ZSWIM9: variants seen among roughly 807,000 people sequenced by gnomAD.
ZSWIM9 encodes the protein zinc finger SWIM-type containing 9, also known as uncharacterized protein ZSWIM9.
A neutral mutation model predicts 25.0 loss-of-function variants in ZSWIM9; 11 were observed. That is an observed-to-expected ratio of 0.44 (90% CI 0.28 to 0.73). The LOEUF is 0.73. ZSWIM9 is among the 30% of genes least tolerant of loss of function. The pLI is 0.16. For missense variants in ZSWIM9, 1,070 were observed against 1,296.5 expected, an observed-to-expected ratio of 0.83 and a Z score of 2.68; for synonymous variants, 562 against 582.1, an observed-to-expected ratio of 0.97 and a Z score of 0.50.
Position 48,195,339 on chromosome 19 carries a change from G to A in ZSWIM9, c.1275G>A (p.Gln425=). The change falls in exon 4 of 4, where the codon CAG becomes CAA. Residue 425 remains glutamine, a synonymous_variant. Transcript: ENST00000614654. The surrounding 1 kb of genome is among the most constrained non-coding windows in gnomAD (Gnocchi z 5.8). The part of the protein sequence containing the change: ...RRLSPSRGVA[Q]CLRDLVAMQW... ...TCAGCCCCTCGCGTGGCGTGGCGCA[G>A]TGCCTTCGCGACCTGGTGGCCATGC... 6.5e-7 allele frequency: 1 copy of A among 1,527,566 alleles called. No homozygotes were observed. The allele number at this position is 1,527,566 out of a possible 1,614,324, so 94.6% of individuals were successfully genotyped here.
At chr19:48,191,204 T>C (rs2037090968) in intron 3 of ZSWIM9, among the ~76,000 whole-genome samples, 1 of 142,708 alleles carries the variant, frequency 7.0e-6, no homozygotes, top group Non-Finnish European at 1.5e-5. Context: ...GTTGTTGTTG[T>C]TTGTTTGTTT....
At chr19:48,181,747 T>TC (rs2036950473) in intron 2 of ZSWIM9, 1 of 152,246 alleles carries the variant, frequency 6.6e-6, no homozygotes, top group South Asian at 2.1e-4. Flanking sequence ...CTTGATGTTA[T>TC]CAGTCTCTTT....
intron 3 of ZSWIM9, among the ~76,000 whole-genome samples, chr19:48,185,140 T>C (rs1434840359): frequency 1.1e-3 from 167 of 146,812 alleles, no homozygotes; most frequent in African/African-American, 4.1e-3. Context: ...TTTCATACTT[T>C]TTTTTTTTTT....
Position 48,192,498 on chromosome 19 carries a change from T to TATATACACACAC in ZSWIM9, c.589-2154_589-2153insTATACACACACA, listed in dbSNP as rs369454865. On this transcript the variant is annotated intron_variant, in intron 3 of 3. Transcript: ENST00000614654. ...AAAAAAAAATATATATATATATATA[T>TATATACACACAC]ACACACACACACACACACACATTTA... is the stretch of plus-strand genomic sequence containing the variant. Among the ~76,000 whole-genome samples, 41 of 20,734 alleles carry TATATACACACAC rather than the reference T, an allele frequency of 2.0e-3. 3 individuals carry two copies. Among genetic ancestry groups the TATATACACACAC allele is most frequent in the Middle Eastern group, 0.032 (2 of 62 alleles). 13.6% of individuals were successfully genotyped at this position (20,734 alleles called of 152,430 possible). A position where few individuals can be genotyped will look rare whatever the true frequency, so the allele number is the denominator to read the frequency against.
In ZSWIM9 at chr19:48,182,233, A is replaced by C. The variant is rs2036954814; in HGVS notation, c.276-222A>C. On this transcript the variant is annotated intron_variant, in intron 2 of 3. Coordinates refer to ENST00000614654, the MANE Select transcript of ZSWIM9 (RefSeq NM_199341.4). The surrounding 1 kb of genome is among the most constrained non-coding windows in gnomAD (Gnocchi z 4.6). Reference sequence around the variant, plus strand: ...TCATGCTCATGACGATCCTATGAGGAAGGTATGATGAGTAGGACCTTCCTT... The same window carrying C: ...TCATGCTCATGACGATCCTATGAGGCAGGTATGATGAGTAGGACCTTCCTT... The C allele has an allele frequency of 1.8e-6, 1 of 570,776 alleles. No individual in the cohort carries two copies. The highest frequency in any genetic ancestry group is 1.9e-5 in the African/African-American group (1 of 53,216). The allele number at this position is 570,776 out of a possible 1,614,324, so 35.4% of individuals were successfully genotyped here. A position where few individuals can be genotyped will look rare whatever the true frequency, so the allele number is the denominator to read the frequency against.
chr19:48,192,494 TATATACACACAC>T (rs1353592799), intron 3 of ZSWIM9, among the ~76,000 whole-genome samples: 4 of 37,546 alleles, frequency 1.1e-4, no homozygotes, highest in Admixed American at 3.9e-4. Flanking sequence ...TATATATATA[TATATACACACAC>T]ACACACACAC....
intron 3 of ZSWIM9, among the ~76,000 whole-genome samples, chr19:48,192,193 G>T (rs573088243): frequency 6.6e-6 from 1 of 151,502 alleles, no homozygotes; most frequent in Non-Finnish European, 1.5e-5. Context: ...CTCTGTGCCT[G>T]AGCCAGCACA....
At chr19:48,173,534 A>G (rs528546111) in intron 2 of ZSWIM9, among the ~76,000 whole-genome samples, 1 of 149,732 alleles carries the variant, frequency 6.7e-6, no homozygotes, top group South Asian at 2.1e-4. Context: ...CCTGACCTCA[A>G]GGAGGCTGAG....
At chr19:48,183,577 T>C (rs1278610286) in intron 3 of ZSWIM9, among the ~76,000 whole-genome samples, 3 of 151,642 alleles carry the variant, frequency 2.0e-5, no homozygotes, top group Non-Finnish European at 4.4e-5. Context: ...CACTAGGGGC[T>C]GGCTGGGTGC....
At position 48,171,794 on chromosome 19, in the gene ZSWIM9, G is replaced by T. The variant is rs1262531328; in HGVS notation, c.-9G>T. 6.5e-7 allele frequency: 1 copy of T among 1,528,052 alleles called. No homozygotes were observed. Among genetic ancestry groups the T allele is most frequent in the Non-Finnish European group, 8.7e-7 (1 of 1,143,230 alleles). 94.7% of individuals were successfully genotyped at this position (1,528,052 alleles called of 1,614,324 possible). A position where few individuals can be genotyped will look rare whatever the true frequency, so the allele number is the denominator to read the frequency against. ...ACCTGTTCTCCCCTCCTCCACGCAG[G>T]CCCCCAGGATGGAGCGGCCGGAGCC... On this transcript the variant is annotated splice_region_variant and 5_prime_UTR_variant, in exon 2 of 4. Transcript: ENST00000614654.
rs769247815 is a variant in ZSWIM9 at position 48,195,905 on chromosome 19, T to G, written c.1841T>G (p.Phe614Cys). ...ACCACCGACCTGAGGGGGACCCAGT[T>G]TGACTATGAGAGGGTCAGGAGTCTT... ...RSTTDLRGTQ[F>C]DYERVRSLEG... is the part of the protein sequence containing the mutation. The change falls in exon 4 of 4, where the codon TTT (phenylalanine) becomes TGT (cysteine). Residue 614 changes from phenylalanine to cysteine, a missense_variant. Transcript: ENST00000614654. This position sits in a 1 kb window ranked among gnomAD's most constrained non-coding sequence, Gnocchi z 5.8. 2.7e-4 allele frequency: 380 copies of G among 1,387,356 alleles called. No individual in the cohort carries two copies. The highest frequency in any genetic ancestry group is 3.4e-4 in the Non-Finnish European group (365 of 1,075,438). The allele number at this position is 1,387,356 out of a possible 1,614,324, so 85.9% of individuals were successfully genotyped here. A position where few individuals can be genotyped will look rare whatever the true frequency, so the allele number is the denominator to read the frequency against.
At position 48,182,473 on chromosome 19, in the gene ZSWIM9, C is replaced by T; in HGVS notation, c.294C>T (p.Cys98=). 1 of 1,534,708 alleles carries T rather than the reference C, an allele frequency of 6.5e-7. No individual in the cohort carries two copies. Residue 98 remains cysteine (C), a synonymous_variant, in exon 3 of 4, where the codon TGC becomes TGT. Coordinates refer to ENST00000614654, the MANE Select transcript of ZSWIM9 (RefSeq NM_199341.4). The surrounding 1 kb of genome is among the most constrained non-coding windows in gnomAD (Gnocchi z 4.6). The stretch of plus-strand genomic sequence containing the variant: ...CCCACAGGCCTCCCCAGCCCGGCTG[C>T]CCCGCCTTCATCATCGTCAAGCTGA... ...RPAVGPPQPG[C]PAFIIVKLSP... is the part of the protein sequence containing the mutation.
In ZSWIM9 at chr19:48,182,735, G is replaced by C; in HGVS notation, c.556G>C (p.Glu186Gln). The change falls in exon 3 of 4, where the codon GAG becomes CAG. Residue 186 changes from glutamate (E) to glutamine (Q), a missense_variant. Physicochemically the swap from Glu to Gln is conservative, Grantham distance 29. This residue lies in a region of ZSWIM9 where 265 missense variants were observed against 339.0 expected (regional missense o/e 0.78). Coordinates refer to ENST00000614654, the MANE Select transcript of ZSWIM9 (RefSeq NM_199341.4). The surrounding 1 kb of genome is among the most constrained non-coding windows in gnomAD (Gnocchi z 4.6). ...HGVLDALHVL[E>Q]GLFRTDPEAK... ...CGTCCTGGACGCCCTGCACGTGCTC[G>C]AGGGCCTCTTCCGCACCGACCCCGA... The C allele has an allele frequency of 6.5e-7, 1 of 1,534,462 alleles. No homozygotes were observed. Among genetic ancestry groups the C allele is most frequent in the Non-Finnish European group, 8.7e-7 (1 of 1,145,782 alleles).
intron 2 of ZSWIM9, chr19:48,180,636 A>C (rs1017732622): frequency 1.3e-5 from 2 of 152,170 alleles, no homozygotes; most frequent in African/African-American, 4.8e-5. Flanking sequence ...TCCTCTTGCC[A>C]TGGAAGGCAG....
chr19:48,195,641 G>T lies in ZSWIM9; in HGVS notation c.1577G>T (p.Gly526Val). The T allele has an allele frequency of 1.4e-6, 2 of 1,423,282 alleles. No individual in the cohort carries two copies. The highest frequency in any genetic ancestry group is 1.8e-6 in the Non-Finnish European group (2 of 1,095,242). The allele number at this position is 1,423,282 out of a possible 1,614,324, so 88.2% of individuals were successfully genotyped here. The change falls in exon 4 of 4, where the codon GGT (glycine) becomes GTT (valine). Residue 526 changes from glycine (G) to valine (V), a missense_variant. By Grantham distance (109) the Gly-to-Val change is moderately radical (BLOSUM62 -3). Coordinates refer to ENST00000614654, the MANE Select transcript of ZSWIM9 (RefSeq NM_199341.4). This position sits in a 1 kb window ranked among gnomAD's most constrained non-coding sequence, Gnocchi z 5.8. ...RALQIRDWRG[G>V]RLENQKPRGL... is the part of the protein sequence containing the mutation. ...CTGCAGATCAGAGATTGGAGAGGGG[G>T]TCGGTTGGAGAATCAGAAGCCGAGG... is the stretch of plus-strand genomic sequence containing the variant.
chr19:48,187,585 T>A (rs1464823380), intron 3 of ZSWIM9: 3 of 65,348 alleles, frequency 4.6e-5, no homozygotes, highest in African/African-American at 1.0e-4. Flanking sequence ...ATATTATATA[T>A]TATATAATAT....
Position 48,196,200 on chromosome 19 carries a change from G to A in ZSWIM9, c.2136G>A (p.Leu712=). The change falls in exon 4 of 4, where the codon CTG becomes CTA. Residue 712 remains leucine (L), a synonymous_variant. Transcript: ENST00000614654. ...TGGGGGTCAAAAGAAGAAGGGGCCT[G>A]GAGGATATAGTTCTGGTCCAGCTGG... is the stretch of plus-strand genomic sequence containing the variant. ...ARVGVKRRRG[L]EDIVLVQLGD... 8.1e-7 allele frequency: 1 copy of A among 1,236,706 alleles called. No homozygotes were observed. Among genetic ancestry groups the A allele is most frequent in the Non-Finnish European group, 1.0e-6 (1 of 991,142 alleles). The allele number at this position is 1,236,706 out of a possible 1,614,324, so 76.6% of individuals were successfully genotyped here. A position where few individuals can be genotyped will look rare whatever the true frequency, so the allele number is the denominator to read the frequency against.
Position 48,182,824 on chromosome 19 carries a change from A to C in ZSWIM9, c.588+57A>C. Reference sequence around the variant, plus strand: ...GGGGCGGGGGAAAGCCGCGCTGAAGACTCGTGGGTCATTCATGCCTTCATC... The same window carrying C: ...GGGGCGGGGGAAAGCCGCGCTGAAGCCTCGTGGGTCATTCATGCCTTCATC... On this transcript the variant is annotated intron_variant, in intron 3 of 3. Transcript: ENST00000614654. The surrounding 1 kb of genome is among the most constrained non-coding windows in gnomAD (Gnocchi z 4.6). 2 of 1,287,880 alleles carry C rather than the reference A, an allele frequency of 1.6e-6. No homozygotes were observed. The highest frequency in any genetic ancestry group is 2.1e-6 in the Non-Finnish European group (2 of 947,856). 79.8% of individuals were successfully genotyped at this position (1,287,880 alleles called of 1,614,324 possible).
In ZSWIM9 at chr19:48,182,347, C is replaced by T; in HGVS notation, c.276-108C>T. ...CATATTCTTAGGGCCCTCTACTCTTCTCTATGCCTGAAACAATTCTTAGTT... is the reference window on the plus strand; with the variant it reads ...CATATTCTTAGGGCCCTCTACTCTTTTCTATGCCTGAAACAATTCTTAGTT... On this transcript the variant is annotated intron_variant, in intron 2 of 3. Transcript: ENST00000614654. The surrounding 1 kb of genome is among the most constrained non-coding windows in gnomAD (Gnocchi z 4.6). The T allele has an allele frequency of 1.0e-6, 1 of 976,246 alleles. No homozygotes were observed. The allele number at this position is 976,246 out of a possible 1,614,324, so 60.5% of individuals were successfully genotyped here. A position where few individuals can be genotyped will look rare whatever the true frequency, so the allele number is the denominator to read the frequency against.
Sources: gnomAD v4.1 joint callset for allele counts (sites outside exome capture counted in the v4.1 genomes callset) on GRCh38, gnomAD v4.1.1 for gene constraint, gnomAD v4.1.1 regional missense constraint, Gnocchi (gnomAD v3.1) non-coding constraint, MANE v1.5 for transcripts, NCBI Gene and HGNC (gene_info 2026-07-23, HGNC 2026-07-21) for gene names.